The following CELSR1 variants were observed in gnomAD, a reference collection of about 807,000 sequenced individuals.
CELSR1 encodes the protein cadherin EGF LAG seven-pass G-type receptor 1.
A neutral mutation model predicts 249.1 loss-of-function variants in CELSR1; 110 were observed. That is an observed-to-expected ratio of 0.44 (90% CI 0.38 to 0.52). The LOEUF (loss-of-function observed/expected upper bound fraction) is 0.52. Among genes scored for constraint, CELSR1 ranks in the 20% least tolerant of loss-of-function variants. The pLI is 0.00. For synonymous variants in CELSR1, 2,113 were observed against 1,900.0 expected (o/e 1.11, Z -2.92); for missense variants, 4,109 against 4,296.4 (o/e 0.96, Z 1.22).
Position 46,423,270 on chromosome 22 carries a change from A to G in CELSR1, c.4611+10123T>C, listed in dbSNP as rs2147386250. 6.6e-6 allele frequency among the ~76,000 whole-genome samples: 1 copy of G among 152,364 alleles called. No individual in the cohort carries two copies. Among genetic ancestry groups the G allele is most frequent in the Non-Finnish European group, 1.5e-5 (1 of 68,038 alleles). On this transcript the variant is annotated intron_variant, in intron 5 of 34. Coordinates refer to ENST00000674500, the MANE Select transcript of CELSR1 (RefSeq NM_001378328.1). The surrounding 1 kb of genome is among the most constrained non-coding windows in gnomAD (Gnocchi z 5.6). ...CTGAATCGCATAGACCAGAAGAACC[A>G]GCAGCCAAACCACTGCATCACCAGG... is the stretch of plus-strand genomic sequence containing the variant.
Position 46,410,325 on chromosome 22 carries a change from G to T in CELSR1, c.4933+73C>A. The T allele has an allele frequency of 6.4e-7, 1 of 1,559,246 alleles. No homozygotes were observed. Among genetic ancestry groups the T allele is most frequent in the South Asian group, 1.1e-5 (1 of 87,654 alleles). ...GGCTCCCCAGGGATCTGCAAGCAGT[G>T]ACCTCTGTGTGGCTGCCGACGTCCA... On this transcript the variant is annotated intron_variant, in intron 7 of 34. Transcript: ENST00000674500. The surrounding 1 kb of genome is among the most constrained non-coding windows in gnomAD (Gnocchi z 6.8).
rs1013036225 is a variant in CELSR1, at chr22:46,407,102, G to C, written c.5226+1894C>G. Among the ~76,000 whole-genome samples the C allele has an allele frequency of 6.6e-6, 1 of 152,230 alleles. No individual in the cohort carries two copies. Among genetic ancestry groups the C allele is most frequent in the South Asian group, 2.1e-4 (1 of 4,832 alleles). Reference sequence around the variant, plus strand: ...TAACCTAAGGGCAGCATCTCTGTGCGCTGAAGGGAGGTCAGGAGGGAGCCC... The same window carrying C: ...TAACCTAAGGGCAGCATCTCTGTGCCCTGAAGGGAGGTCAGGAGGGAGCCC... On this transcript the variant is annotated intron_variant, in intron 9 of 34. Transcript: ENST00000674500. The surrounding 1 kb of genome is among the most constrained non-coding windows in gnomAD (Gnocchi z 4.8).
intron 5 of CELSR1, among the ~76,000 whole-genome samples, chr22:46,422,096 TTTTG>T (rs200901829): frequency 0.031 from 4,035 of 132,218 alleles, 183 homozygotes; most frequent in African/African-American, 0.13. Flanking sequence ...CCAATTATCT[TTTTG>T]TTTATTTTTT....
At position 46,468,385 on chromosome 22, in the gene CELSR1, C is replaced by CAA. The variant is rs34099713; in HGVS notation, c.3545-4042_3545-4041dup. On this transcript the variant is annotated intron_variant, in intron 1 of 34. Coordinates refer to ENST00000674500, the MANE Select transcript of CELSR1 (RefSeq NM_001378328.1). This position sits in a 1 kb window ranked among gnomAD's most constrained non-coding sequence, Gnocchi z 4.5. Reference sequence around the variant, plus strand: ...TGGGCAACAAAGCAAGACTCTGTCTCAAAAAAAAAAAAAAATGTGGTCCAT... The same window carrying CAA: ...TGGGCAACAAAGCAAGACTCTGTCTCAAAAAAAAAAAAAAAAATGTGGTCCAT... Among the ~76,000 whole-genome samples the CAA allele has an allele frequency of 0.05, 7,112 of 141,670 alleles. 339 individuals are homozygous for CAA. Among genetic ancestry groups the CAA allele is most frequent in the East Asian group, 0.16 (766 of 4,890 alleles). 92.9% of individuals were successfully genotyped at this position (141,670 alleles called of 152,430 possible). A position where few individuals can be genotyped will look rare whatever the true frequency, so the allele number is the denominator to read the frequency against.
At position 46,472,883 on chromosome 22, in the gene CELSR1, G is replaced by A. The variant is rs528763538; in HGVS notation, c.3545-8538C>T. On this transcript the variant is annotated intron_variant, in intron 1 of 34. Coordinates refer to ENST00000674500, the MANE Select transcript of CELSR1 (RefSeq NM_001378328.1). This position sits in a 1 kb window ranked among gnomAD's most constrained non-coding sequence, Gnocchi z 7.0. ...AAGTGGCTATGGCTCTCCCTGTGTCGTCACGGCTCTGTCTTCTGTTCACCG... is the reference window on the plus strand; with the variant it reads ...AAGTGGCTATGGCTCTCCCTGTGTCATCACGGCTCTGTCTTCTGTTCACCG... Among the ~76,000 whole-genome samples, 10 of 152,246 alleles carry A rather than the reference G, an allele frequency of 6.6e-5. No homozygotes were observed. The East Asian group carries it at 1.2e-3, about 18-fold the overall frequency.
chr22:46,459,122 T>C (rs2079990881), intron 2 of CELSR1, among the ~76,000 whole-genome samples: 1 of 152,164 alleles, frequency 6.6e-6, no homozygotes, highest in Non-Finnish European at 1.5e-5. Flanking sequence ...TCTCCTGACC[T>C]CGTGATCCAC....
rs2080856860 is a variant in CELSR1, at chr22:46,536,454, G to A, written c.717C>T (p.Gly239=). The change falls in exon 1 of 35, where the codon GGC becomes GGT. Residue 239 remains glycine (G), a synonymous_variant. Coordinates refer to ENST00000674500, the MANE Select transcript of CELSR1 (RefSeq NM_001378328.1). ...GCATCGGAAACTTCAGGCTCCCTCT[G>A]CCGCTCGTGCCCCGCCGGGCCCGTC... ...PARRARRGTS[G]RGSLKFPMPN... is the part of the protein sequence containing the mutation. 2 of 1,610,582 alleles carry A rather than the reference G, an allele frequency of 1.2e-6. No individual in the cohort carries two copies. Among genetic ancestry groups the A allele is most frequent in the Non-Finnish European group, 8.5e-7 (1 of 1,179,032 alleles).
rs1453893436 is a variant in CELSR1, at chr22:46,436,662, C to T, written c.4407-373G>A. Among the ~76,000 whole-genome samples, 1 of 152,154 alleles carries T rather than the reference C, an allele frequency of 6.6e-6. No homozygotes were observed. ...GTGAACAGATCCCCCCGTGTGTGCG[C>T]CAGGGCATGGGGACCTGGTACCTTC... On this transcript the variant is annotated intron_variant, in intron 3 of 34. Transcript: ENST00000674500. The surrounding 1 kb of genome is among the most constrained non-coding windows in gnomAD (Gnocchi z 5.9).
At position 46,363,136 on chromosome 22, in the gene CELSR1, C is replaced by T; in HGVS notation, c.*87G>A. 3 of 1,613,666 alleles carry T rather than the reference C, an allele frequency of 1.9e-6. No homozygotes were observed. Among genetic ancestry groups the T allele is most frequent in the Non-Finnish European group, 2.5e-6 (3 of 1,179,898 alleles). On this transcript the variant is annotated 3_prime_UTR_variant, in exon 35 of 35. Coordinates refer to ENST00000674500, the MANE Select transcript of CELSR1 (RefSeq NM_001378328.1). This position sits in a 1 kb window ranked among gnomAD's most constrained non-coding sequence, Gnocchi z 4.3. ...GCAGTGGCCCCTTGGGCTCCAAGGTCTGAGGGTGATGCCGCAGCCTGTGTG... is the reference window on the plus strand; with the variant it reads ...GCAGTGGCCCCTTGGGCTCCAAGGTTTGAGGGTGATGCCGCAGCCTGTGTG...
In CELSR1 at chr22:46,437,852, C is replaced by G. The variant is rs550550210; in HGVS notation, c.4406+1337G>C. Among the ~76,000 whole-genome samples, 3 of 152,246 alleles carry G rather than the reference C, an allele frequency of 2.0e-5. No homozygotes were observed. The East Asian group carries it at 5.8e-4, about 29-fold the overall frequency. On this transcript the variant is annotated intron_variant, in intron 3 of 34. Transcript: ENST00000674500. This position sits in a 1 kb window ranked among gnomAD's most constrained non-coding sequence, Gnocchi z 4.9. ...CGACAAACACAAAGAAGAATACCCA[C>G]ACAGCACACTGATGCTTGGGCAGGG...
chr22:46,433,507 G>A lies in CELSR1; in HGVS notation c.4523-26C>T, dbSNP rs2079621108. The A allele has an allele frequency of 6.3e-7, 1 of 1,598,334 alleles. No individual in the cohort carries two copies. The highest frequency in any genetic ancestry group is 8.6e-7 in the Non-Finnish European group (1 of 1,167,414). ...CTGCATGGTGGGAGGGAGACCCAGAGAGAAAACAGGGGTTGGCGGGGCCTA... is the reference window on the plus strand; with the variant it reads ...CTGCATGGTGGGAGGGAGACCCAGAAAGAAAACAGGGGTTGGCGGGGCCTA... On this transcript the variant is annotated intron_variant, in intron 4 of 34. Transcript: ENST00000674500. This position sits in a 1 kb window ranked among gnomAD's most constrained non-coding sequence, Gnocchi z 5.7.
intron 2 of CELSR1, among the ~76,000 whole-genome samples, chr22:46,451,041 T>C (rs2079877727): frequency 6.6e-6 from 1 of 152,150 alleles, no homozygotes; most frequent in African/African-American, 2.4e-5. Flanking sequence ...CACCCCTCCA[T>C]GCCCCACTCC....
chr22:46,410,712 G>T lies in CELSR1; in HGVS notation c.4770-151C>A. Reference sequence around the variant, plus strand: ...CGGGGAGAGGCCAAAGTCAGAGGGGGCTCCTGTGTCTGGTGCCGCCACTGC... The same window carrying T: ...CGGGGAGAGGCCAAAGTCAGAGGGGTCTCCTGTGTCTGGTGCCGCCACTGC... On this transcript the variant is annotated intron_variant, in intron 6 of 34. Transcript: ENST00000674500. The surrounding 1 kb of genome is among the most constrained non-coding windows in gnomAD (Gnocchi z 6.8). 1 of 726,692 alleles carries T rather than the reference G, an allele frequency of 1.4e-6. No homozygotes were observed. Among genetic ancestry groups the T allele is most frequent in the Non-Finnish European group, 2.2e-6 (1 of 448,064 alleles). The allele number at this position is 726,692 out of a possible 1,614,324, so 45.0% of individuals were successfully genotyped here.
intron 24 of CELSR1, among the ~76,000 whole-genome samples, chr22:46,376,228 TG>T (rs1237464844): frequency 8.5e-5 from 13 of 152,386 alleles, no homozygotes; most frequent in Non-Finnish European, 5.9e-5. Flanking sequence ...TTCCCTTAAA[TG>T]TACTGGTGAG....
intron 5 of CELSR1, among the ~76,000 whole-genome samples, chr22:46,420,388 T>C (rs1429575490): frequency 5.9e-5 from 9 of 151,534 alleles, no homozygotes; most frequent in Non-Finnish European, 1.3e-4. Flanking sequence ...AAATGTGCAC[T>C]CACCCACACA....
At chr22:46,481,429 T>G in intron 1 of CELSR1, 2 of 1,546,442 alleles carry the variant, frequency 1.3e-6, no homozygotes, top group Non-Finnish European at 1.8e-6. Context: ...TTCCAGCTTC[T>G]GCTTCAACTG....
rs113300355 is a variant in CELSR1, at chr22:46,417,647, A to AG, written c.4612-5889dup. Among the ~76,000 whole-genome samples the AG allele has an allele frequency of 2.9e-3, 438 of 152,314 alleles. 1 individual carries two copies. The highest frequency in any genetic ancestry group is 9.5e-3 in the African/African-American group (393 of 41,572). ...AAGTTCCTCTGCCCAACTCTGGCTG[A>AG]GGGGGACAGGTGCTCCTGAATCCCT... On this transcript the variant is annotated intron_variant, in intron 5 of 34. Transcript: ENST00000674500. This position sits in a 1 kb window ranked among gnomAD's most constrained non-coding sequence, Gnocchi z 4.1.
chr22:46,377,528 C>G (rs1005626994), intron 23 of CELSR1: 8 of 508,316 alleles, frequency 1.6e-5, no homozygotes, highest in Non-Finnish European at 2.8e-5. Flanking sequence ...GTTCAGAGAC[C>G]TCTGGCTTTG....
At chr22:46,432,485 G>A (rs184249722) in intron 5 of CELSR1, among the ~76,000 whole-genome samples, 14 of 152,212 alleles carry the variant, frequency 9.2e-5, no homozygotes, top group African/African-American at 3.4e-4. Context: ...AGGAGGAGCC[G>A]GTAAGACCCA....
Sources: allele counts gnomAD v4.1 joint callset (sites outside exome capture counted in the v4.1 genomes callset), GRCh38; gene constraint gnomAD v4.1.1; non-coding constraint Gnocchi (gnomAD v3.1); transcripts MANE v1.5; gene names NCBI Gene and HGNC (gene_info 2026-07-23, HGNC 2026-07-21).